CNTN1: variants seen among roughly 807,000 people sequenced by gnomAD.
CNTN1 encodes the protein contactin-1.
CNTN1 carries 38 observed loss-of-function variants against 126.4 expected under a neutral mutation model. The ratio of observed to expected loss-of-function variants is 0.30; its 90% CI spans 0.23 to 0.39. The LOEUF (loss-of-function observed/expected upper bound fraction) is 0.39. Ranked by LOEUF, CNTN1 falls within the 10% of genes least tolerant of loss-of-function variation. The pLI is 1.00. For synonymous variants in CNTN1, 413 were observed against 422.6 expected (o/e 0.98, Z 0.28); for missense variants, 1,009 against 1,248.4 (o/e 0.81, Z 2.89).
At chr12:41,049,817 T>C (rs1464479475) in intron 23 of CNTN1, among the ~76,000 whole-genome samples, 1 of 152,258 alleles carries the variant, frequency 6.6e-6, no homozygotes, top group Non-Finnish European at 1.5e-5. Context: ...TCATGACATA[T>C]AAACCAGTTT....
chr12:40,809,300 C>T (rs1004923951), intron 1 of CNTN1, among the ~76,000 whole-genome samples: 2 of 152,096 alleles, frequency 1.3e-5, no homozygotes, highest in Admixed American at 6.5e-5. Context: ...TATGAAGAAG[C>T]AAAGTTGATT....
chr12:40,979,070 T>C (rs954752336), intron 15 of CNTN1: 7 of 152,212 alleles, frequency 4.6e-5, no homozygotes, highest in African/African-American at 1.7e-4. Context: ...TTTTCTTACA[T>C]ATGAAAAATG....
At chr12:40,930,482 A>G (rs1003407542) in intron 7 of CNTN1, among the ~76,000 whole-genome samples, 2 of 151,930 alleles carry the variant, frequency 1.3e-5, no homozygotes, top group Non-Finnish European at 2.9e-5. Context: ...GTCTTTTCTA[A>G]TCTACATAAT....
At chr12:41,025,425 T>C (rs1458324158) in intron 21 of CNTN1, 89 bp downstream of exon 21, 1 of 1,276,618 alleles carries the variant, frequency 7.8e-7, no homozygotes, top group Non-Finnish European at 1.1e-6. Flanking sequence ...ATTTCCTACC[T>C]AGCTACCTGA....
intron 1 of CNTN1, among the ~76,000 whole-genome samples, chr12:40,693,216 C>T (rs1591978539): frequency 1.3e-5 from 2 of 152,190 alleles, no homozygotes; most frequent in Admixed American, 6.5e-5. Flanking sequence ...GAGAAGGCAC[C>T]GGCCCTTCTC....
At chr12:41,013,225 A>G (rs1277482119) in intron 17 of CNTN1, among the ~76,000 whole-genome samples, 1 of 152,158 alleles carries the variant, frequency 6.6e-6, no homozygotes, top group African/African-American at 2.4e-5. Context: ...GATCAGTGAC[A>G]TCTTGTCTGC....
chr12:40,767,612 T>G (rs987301938), intron 1 of CNTN1, among the ~76,000 whole-genome samples: 82 of 144,712 alleles, frequency 5.7e-4, no homozygotes, highest in East Asian at 6.3e-4. Context: ...CTGGCCCTTT[T>G]TTTGTTTGTT....
At chr12:40,765,042 G>T (rs1592061629) in intron 1 of CNTN1, among the ~76,000 whole-genome samples, 1 of 150,858 alleles carries the variant, frequency 6.6e-6, no homozygotes, top group African/African-American at 2.4e-5. Context: ...TAGTAATTGG[G>T]TACAATATTT....
intron 20 of CNTN1, 21 bp from the exon 21 acceptor site, chr12:41,025,129 A>AGG: frequency 3.7e-6 from 6 of 1,613,004 alleles, no homozygotes; most frequent in Non-Finnish European, 5.1e-6. Context: ...GCAAAATATA[A>AGG]CTCATCCTGA....
chr12:41,070,858 A>G lies in CNTN1; in HGVS notation c.*823A>G, dbSNP rs2121179417. ...TATCATAATATTGCTATATTTGTTC[A>G]TATGTGGAGTGACAAATTTTGAAAA... is the stretch of plus-strand genomic sequence containing the variant. On this transcript the variant is annotated 3_prime_UTR_variant, in exon 24 of 24. Coordinates refer to ENST00000551295, the MANE Select transcript of CNTN1 (RefSeq NM_001843.4). 6.6e-6 allele frequency: 1 copy of G among 152,080 alleles called. No homozygotes were observed. Among genetic ancestry groups the G allele is most frequent in the East Asian group, 1.9e-4 (1 of 5,180 alleles). 9.4% of individuals were successfully genotyped at this position (152,080 alleles called of 1,614,324 possible).
chr12:40,991,874 G>A (rs899121983), intron 16 of CNTN1, among the ~76,000 whole-genome samples: 30 of 152,112 alleles, frequency 2.0e-4, no homozygotes, highest in African/African-American at 5.6e-4. Flanking sequence ...CTTACTCAGC[G>A]TTATCAGTTA....
chr12:40,848,164 G>A (rs1380903571), intron 1 of CNTN1, among the ~76,000 whole-genome samples: 1 of 152,148 alleles, frequency 6.6e-6, no homozygotes, highest in Non-Finnish European at 1.5e-5. Flanking sequence ...TCTAGGAATA[G>A]TCAGCTTTAT....
chr12:40,720,702 G>C (rs1256774146), intron 1 of CNTN1, among the ~76,000 whole-genome samples: 1 of 152,114 alleles, frequency 6.6e-6, no homozygotes, highest in East Asian at 1.9e-4. Context: ...GCTAAGGCGA[G>C]TGGATCACGA....
chr12:40,811,176 TC>T (rs375465556), intron 1 of CNTN1, among the ~76,000 whole-genome samples: 1 of 152,330 alleles, frequency 6.6e-6, no homozygotes, highest in East Asian at 1.9e-4. Context: ...GATTAAATTT[TC>T]TTTGGATATA....
chr12:40,759,920 A>G (rs945805752), intron 1 of CNTN1, among the ~76,000 whole-genome samples: 1 of 152,084 alleles, frequency 6.6e-6, no homozygotes, highest in East Asian at 1.9e-4. Flanking sequence ...CTTTCTGAGA[A>G]CACAAGAGTA....
intron 14 of CNTN1, among the ~76,000 whole-genome samples, chr12:40,948,352 CAAA>C (rs202160837): frequency 9.5e-6 from 1 of 105,586 alleles, no homozygotes; most frequent in Non-Finnish European, 2.0e-5. Flanking sequence ...AGACTGAGAC[CAAA>C]AAAAAAAAAA....
chr12:40,762,570 A>T (rs141322172), intron 1 of CNTN1, among the ~76,000 whole-genome samples: 2 of 152,362 alleles, frequency 1.3e-5, no homozygotes, highest in Admixed American at 1.3e-4. Context: ...AACAAAAAAA[A>T]GTAAACATCT....
intron 1 of CNTN1, among the ~76,000 whole-genome samples, chr12:40,732,152 A>G (rs1942515748): frequency 6.6e-6 from 1 of 152,102 alleles, no homozygotes; most frequent in Non-Finnish European, 1.5e-5. Context: ...TGGAAGGGTC[A>G]GAGCAATTTT....
intron 1 of CNTN1, among the ~76,000 whole-genome samples, chr12:40,892,028 G>C (rs1259153047): frequency 6.6e-6 from 1 of 151,972 alleles, no homozygotes; most frequent in East Asian, 1.9e-4. Context: ...TTTTATCTTT[G>C]TGTTTTACCT....
Sources: gnomAD v4.1 joint callset for allele counts (sites outside exome capture counted in the v4.1 genomes callset) on GRCh38, gnomAD v4.1.1 for gene constraint, MANE v1.5 for transcripts, NCBI Gene and HGNC (gene_info 2026-07-23, HGNC 2026-07-21) for gene names.